EPHB2: variants seen among roughly 807,000 people sequenced by gnomAD.
The protein encoded by EPHB2 is EPH receptor B2, also known as ephrin type-B receptor 2.
A neutral mutation model predicts 96.4 loss-of-function variants in EPHB2; 18 were observed. The ratio of observed to expected loss-of-function variants is 0.19; its 90% CI spans 0.13 to 0.28. The LOEUF (loss-of-function observed/expected upper bound fraction) is 0.28. Among genes scored for constraint, EPHB2 ranks in the 10% least tolerant of loss-of-function variants. EPHB2 has a pLI of 1.00. For missense variants in EPHB2, 989 were observed against 1,355.4 expected (o/e 0.73, Z 4.25); for synonymous variants, 506 against 534.1 (o/e 0.95, Z 0.72).
At chr1:22,728,933 G>A (rs923306381) in intron 1 of EPHB2, among the ~76,000 whole-genome samples, 3 of 152,132 alleles carry the variant, frequency 2.0e-5, no homozygotes, top group African/African-American at 7.2e-5. Context: ...GCTCCCTGAC[G>A]GCATCTGTCC....
In EPHB2 at chr1:22,910,621, T is replaced by G. The variant is rs762402209; in HGVS notation, c.2696+46T>G. Reference sequence around the variant, plus strand: ...TGCCCCAGCCAGGCCCTGCCCCTCTTCCCGTCTCCCATCCCTTCTGCCCCC... The same window carrying G: ...TGCCCCAGCCAGGCCCTGCCCCTCTGCCCGTCTCCCATCCCTTCTGCCCCC... On this transcript the variant is annotated intron_variant, in intron 14 of 15. Transcript: ENST00000374630. 5 of 1,562,414 alleles carry G rather than the reference T, an allele frequency of 3.2e-6. No individual in the cohort carries two copies. The African/African-American group carries it at 1.0e-4, about 31-fold the overall frequency.
rs549793694 is a variant in EPHB2 at position 22,846,046 on chromosome 1, A to T, written c.812-16991A>T. On this transcript the variant is annotated intron_variant, in intron 3 of 15. Coordinates refer to ENST00000374630, the MANE Select transcript of EPHB2 (RefSeq NM_017449.5). This position sits in a 1 kb window ranked among gnomAD's most constrained non-coding sequence, Gnocchi z 4.3. Reference sequence around the variant, plus strand: ...GCCCTGGGAAAGTTTGGGATCAGTTAGACCCTAAGGATCCCTGCAGAGGAG... The same window carrying T: ...GCCCTGGGAAAGTTTGGGATCAGTTTGACCCTAAGGATCCCTGCAGAGGAG... 2.0e-5 allele frequency among the ~76,000 whole-genome samples: 3 copies of T among 152,308 alleles called. No homozygotes were observed. The East Asian group carries it at 5.8e-4, about 29-fold the overall frequency.
intron 9 of EPHB2, among the ~76,000 whole-genome samples, chr1:22,901,983 G>T (rs1639768224): frequency 1.3e-5 from 2 of 152,088 alleles, no homozygotes; most frequent in South Asian, 4.1e-4. Context: ...GCACTGCCAT[G>T]CCTGGCTAAC....
intron 3 of EPHB2, among the ~76,000 whole-genome samples, chr1:22,823,919 C>T (rs143218986): frequency 1.3e-5 from 2 of 152,290 alleles, no homozygotes; most frequent in African/African-American, 2.4e-5. Context: ...TGACAGTGAG[C>T]GAGTGAGTGG....
intron 1 of EPHB2, among the ~76,000 whole-genome samples, chr1:22,749,893 G>A (rs1644036468): frequency 1.4e-5 from 2 of 143,116 alleles, no homozygotes; most frequent in Non-Finnish European, 3.2e-5. Flanking sequence ...GATACATGAA[G>A]TTACCCTAAT....
intron 3 of EPHB2, among the ~76,000 whole-genome samples, chr1:22,851,900 T>C (rs957824106): frequency 6.6e-6 from 1 of 152,180 alleles, no homozygotes; most frequent in African/African-American, 2.4e-5. Context: ...TGGGGGCATC[T>C]CCTCCAGAGG....
chr1:22,839,487 G>C (rs1645434432), intron 3 of EPHB2, among the ~76,000 whole-genome samples: 1 of 152,154 alleles, frequency 6.6e-6, no homozygotes, highest in Non-Finnish European at 1.5e-5. Context: ...AGTCAAAGGG[G>C]AAGTAATTGT....
chr1:22,900,521 G>A (rs1192760413), intron 9 of EPHB2, among the ~76,000 whole-genome samples: 1 of 152,144 alleles, frequency 6.6e-6, no homozygotes, highest in Non-Finnish European at 1.5e-5. Context: ...TGGAGCAGGG[G>A]TATGAACTCC....
intron 3 of EPHB2, among the ~76,000 whole-genome samples, chr1:22,789,243 C>CT (rs1644657813): frequency 6.6e-6 from 1 of 152,162 alleles, no homozygotes; most frequent in Non-Finnish European, 1.5e-5. Flanking sequence ...AGCAGAATCT[C>CT]TAAGAGGATG....
Position 22,914,245 on chromosome 1 carries a change from G to C in EPHB2, c.*675G>C, listed in dbSNP as rs1234344236. ...GCTGAAAGGGGCTTTTGTCCTCCTG[G>C]GTCAGGGAGAACGCGGGGACCCCAG... On this transcript the variant is annotated 3_prime_UTR_variant, in exon 16 of 16. Transcript: ENST00000374630. 2 of 191,616 alleles carry C rather than the reference G, an allele frequency of 1.0e-5. No individual in the cohort carries two copies. The highest frequency in any genetic ancestry group is 1.4e-4 in the East Asian group (1 of 7,392). The allele number at this position is 191,616 out of a possible 1,614,324, so 11.9% of individuals were successfully genotyped here.
chr1:22,716,899 C>A (rs1643307926), intron 1 of EPHB2, among the ~76,000 whole-genome samples: 1 of 152,212 alleles, frequency 6.6e-6, no homozygotes, highest in Admixed American at 6.5e-5. Flanking sequence ...TCTTCCACAC[C>A]TCCGACCAAG....
intron 3 of EPHB2, among the ~76,000 whole-genome samples, chr1:22,804,185 C>T (rs926170349): frequency 6.6e-6 from 1 of 152,072 alleles, no homozygotes; most frequent in Non-Finnish European, 1.5e-5. Context: ...CCCAGGCTGC[C>T]GCGGCCAGTG....
intron 3 of EPHB2, among the ~76,000 whole-genome samples, chr1:22,805,740 G>C (rs1178842302): frequency 1.3e-5 from 2 of 152,246 alleles, no homozygotes; most frequent in Non-Finnish European, 2.9e-5. Flanking sequence ...ATGAGAGAGA[G>C]AGAGAGATTG....
At chr1:22,816,692 A>G (rs1040543664) in intron 3 of EPHB2, among the ~76,000 whole-genome samples, 3 of 152,222 alleles carry the variant, frequency 2.0e-5, no homozygotes, top group African/African-American at 7.2e-5. Flanking sequence ...GCCACCAGGT[A>G]GCCCCTCACA....
intron 1 of EPHB2, among the ~76,000 whole-genome samples, chr1:22,716,527 C>T (rs898915292): frequency 3.3e-5 from 5 of 152,052 alleles, no homozygotes; most frequent in Non-Finnish European, 5.9e-5. Context: ...GGAGACGGGG[C>T]GGGGGTTCAC....
chr1:22,887,830 A>G (rs1278074275), intron 6 of EPHB2, among the ~76,000 whole-genome samples: 1 of 152,146 alleles, frequency 6.6e-6, no homozygotes, highest in Non-Finnish European at 1.5e-5. Flanking sequence ...AATGAAGAGG[A>G]AGGACATTCC....
intron 1 of EPHB2, among the ~76,000 whole-genome samples, chr1:22,776,193 G>A (rs1025676928): frequency 6.6e-5 from 10 of 151,960 alleles, no homozygotes; most frequent in African/African-American, 2.2e-4. Context: ...CACAAACCCC[G>A]CTGTGGCTCA....
Position 22,783,633 on chromosome 1 carries a change from T to C in EPHB2, c.127-759T>C, listed in dbSNP as rs1570269799. 3.9e-5 allele frequency among the ~76,000 whole-genome samples: 6 copies of C among 152,186 alleles called. No homozygotes were observed. The South Asian group carries it at 1.2e-3, about 32-fold the overall frequency. Reference sequence around the variant, plus strand: ...AGTGGGAAGGAGCCTGGTCCGTGAGTGTGAGGAGATAACCCGGGCCCTAGG... The same window carrying C: ...AGTGGGAAGGAGCCTGGTCCGTGAGCGTGAGGAGATAACCCGGGCCCTAGG... On this transcript the variant is annotated intron_variant, in intron 2 of 15. Transcript: ENST00000374630.
chr1:22,870,915 G>A (rs933868845), intron 5 of EPHB2, among the ~76,000 whole-genome samples: 28 of 152,208 alleles, frequency 1.8e-4, no homozygotes, highest in African/African-American at 6.3e-4. Flanking sequence ...CCTTACAGGA[G>A]GATTTAGCTG....
Sources: allele counts gnomAD v4.1 joint callset (sites outside exome capture counted in the v4.1 genomes callset), GRCh38; gene constraint gnomAD v4.1.1; non-coding constraint Gnocchi (gnomAD v3.1); transcripts MANE v1.5; gene names NCBI Gene and HGNC (gene_info 2026-07-23, HGNC 2026-07-21).